MARCHF5: variants seen among roughly 807,000 people sequenced by gnomAD.
The protein encoded by MARCHF5 is membrane associated ring-CH-type finger 5.
A neutral mutation model predicts 36.5 loss-of-function variants in MARCHF5; 5 were observed. The ratio of observed to expected loss-of-function variants is 0.14; its 90% confidence interval spans 0.07 to 0.29. The LOEUF is 0.29. Ranked by LOEUF, MARCHF5 falls within the 10% of genes least tolerant of loss-of-function variation. MARCHF5 has a pLI of 1.00. For missense variants in MARCHF5, 179 were observed against 336.3 expected (o/e 0.53, Z 3.66); for synonymous variants, 103 against 109.9 (o/e 0.94, Z 0.39).
rs997040434 is a variant in MARCHF5, at chr10:92,353,662, T to G, written c.*2455T>G. ...GGGTGGGTATATTTTATTTTCCAGT[T>G]TATTTTCATATTTCTTTACTGTGTT... On this transcript the variant is annotated 3_prime_UTR_variant, in exon 6 of 6. Coordinates refer to ENST00000358935, the MANE Select transcript of MARCHF5 (RefSeq NM_017824.5). The G allele has an allele frequency of 1.3e-5, 2 of 152,642 alleles. No homozygotes were observed. Among genetic ancestry groups the G allele is most frequent in the Non-Finnish European group, 2.9e-5 (2 of 68,044 alleles). 9.5% of individuals were successfully genotyped at this position (152,642 alleles called of 1,614,324 possible).
At chr10:92,319,122 G>A (rs1843254061) in intron 2 of MARCHF5, among the ~76,000 whole-genome samples, 1 of 152,140 alleles carries the variant, frequency 6.6e-6, no homozygotes, top group South Asian at 2.1e-4. Context: ...ATCACCTTGT[G>A]GCATTGTAGC....
chr10:92,291,603 T>G (rs571740475), intron 1 of MARCHF5, 74 bp downstream of exon 1: 2 of 1,455,090 alleles, frequency 1.4e-6, no homozygotes, highest in South Asian at 2.8e-5. Flanking sequence ...CCCTCGAGGC[T>G]CTTGGTGAGC....
intron 5 of MARCHF5, chr10:92,350,100 G>A: frequency 2.6e-6 from 1 of 377,432 alleles, no homozygotes; most frequent in Non-Finnish European, 4.7e-6. Flanking sequence ...CCTCTTGCCA[G>A]TGGGATTACA....
At chr10:92,323,168 G>A (rs1843312253) in intron 2 of MARCHF5, among the ~76,000 whole-genome samples, 1 of 152,076 alleles carries the variant, frequency 6.6e-6, no homozygotes, top group Non-Finnish European at 1.5e-5. Context: ...CAGTATCCTG[G>A]TTAGCTGGGA....
intron 2 of MARCHF5, among the ~76,000 whole-genome samples, chr10:92,330,002 C>G (rs1843417471): frequency 6.6e-6 from 1 of 152,180 alleles, no homozygotes; most frequent in African/African-American, 2.4e-5. Context: ...ACCACCACGC[C>G]CAACTAACTT....
chr10:92,300,469 G>A (rs1220910839), intron 1 of MARCHF5, among the ~76,000 whole-genome samples: 2 of 151,728 alleles, frequency 1.3e-5, no homozygotes, highest in Non-Finnish European at 2.9e-5. Flanking sequence ...CTGCACTCCA[G>A]CCTGGGCCAC....
At chr10:92,333,754 A>T in intron 2 of MARCHF5, 1 of 546,074 alleles carries the variant, frequency 1.8e-6, no homozygotes, top group Non-Finnish European at 2.3e-6. Context: ...ATTTAATCAA[A>T]GTAAGGACAG....
intron 1 of MARCHF5, among the ~76,000 whole-genome samples, chr10:92,297,679 G>A (rs1239448508): frequency 6.6e-6 from 1 of 151,562 alleles, no homozygotes; most frequent in Admixed American, 6.6e-5. Context: ...TTTTAGTAGA[G>A]ACAGGGTTTC....
chr10:92,291,168 C>A lies in MARCHF5; in HGVS notation c.-327C>A. ...GCGCGCACGGAGGCGGCGACTCTTA[C>A]CTCACAAAGGTAGCTCCTCCGCCGG... On this transcript the variant is annotated 5_prime_UTR_variant, in exon 1 of 6. Coordinates refer to ENST00000358935, the MANE Select transcript of MARCHF5 (RefSeq NM_017824.5). 2.2e-6 allele frequency: 1 copy of A among 458,962 alleles called. No individual in the cohort carries two copies. Among genetic ancestry groups the A allele is most frequent in the South Asian group, 2.5e-5 (1 of 39,440 alleles). The allele number at this position is 458,962 out of a possible 1,614,324, so 28.4% of individuals were successfully genotyped here.
At chr10:92,294,973 A>C (rs1842930695) in intron 1 of MARCHF5, among the ~76,000 whole-genome samples, 1 of 152,180 alleles carries the variant, frequency 6.6e-6, no homozygotes, top group Non-Finnish European at 1.5e-5. Flanking sequence ...TCGTGGCTGT[A>C]GTGAGCTGTG....
chr10:92,303,157 C>T (rs11186915), intron 1 of MARCHF5, among the ~76,000 whole-genome samples: 99,621 of 152,030 alleles, frequency 0.66, 33,827 homozygotes, highest in African/African-American at 0.82. Context: ...TCACTTTTTT[C>T]TACATACTTT....
chr10:92,308,084 G>A (rs1843097509), intron 1 of MARCHF5, among the ~76,000 whole-genome samples: 1 of 151,834 alleles, frequency 6.6e-6, no homozygotes, highest in African/African-American at 2.4e-5. Context: ...GGGACTACAG[G>A]CACCTGCCAC....
intron 3 of MARCHF5, among the ~76,000 whole-genome samples, chr10:92,343,488 T>C (rs1019040227): frequency 6.6e-6 from 1 of 152,236 alleles, no homozygotes; most frequent in Non-Finnish European, 1.5e-5. Flanking sequence ...GCAGAGTCCA[T>C]TTTATGCTTC....
intron 4 of MARCHF5, 32 bp downstream of exon 4, chr10:92,349,564 T>C: frequency 1.2e-6 from 2 of 1,600,710 alleles, no homozygotes; most frequent in Middle Eastern, 1.7e-4. Flanking sequence ...GTAAAGTGCA[T>C]ACCAAATTGA....
chr10:92,308,994 G>A (rs1157249941), intron 1 of MARCHF5, among the ~76,000 whole-genome samples: 2 of 152,036 alleles, frequency 1.3e-5, no homozygotes, highest in East Asian at 1.9e-4. Flanking sequence ...CTTAAGCCAC[G>A]GCACCCGGCC....
intron 1 of MARCHF5, among the ~76,000 whole-genome samples, chr10:92,310,298 A>T (rs189749897): frequency 1.3e-5 from 2 of 152,332 alleles, no homozygotes; most frequent in East Asian, 3.9e-4. Context: ...GTCTCATTGA[A>T]TTGAACTGTA....
At chr10:92,317,058 A>C (rs1843219547) in intron 2 of MARCHF5, among the ~76,000 whole-genome samples, 1 of 152,156 alleles carries the variant, frequency 6.6e-6, no homozygotes, top group Non-Finnish European at 1.5e-5. Flanking sequence ...TCAAAGGTAG[A>C]GAGATCTTGA....
rs1341364407 is a variant in MARCHF5 at position 92,353,326 on chromosome 10, A to G, written c.*2119A>G. ...AGAGCATAGGCAGACTTAAAGTTGG[A>G]TAGACCTGGGTTCAAATCATAGTTC... is the stretch of plus-strand genomic sequence containing the variant. On this transcript the variant is annotated 3_prime_UTR_variant, in exon 6 of 6. Coordinates refer to ENST00000358935, the MANE Select transcript of MARCHF5 (RefSeq NM_017824.5). 1 of 152,230 alleles carries G rather than the reference A, an allele frequency of 6.6e-6. No homozygotes were observed. The highest frequency in any genetic ancestry group is 1.5e-5 in the Non-Finnish European group (1 of 68,040). 9.4% of individuals were successfully genotyped at this position (152,230 alleles called of 1,614,324 possible). A position where few individuals can be genotyped will look rare whatever the true frequency, so the allele number is the denominator to read the frequency against.
At chr10:92,296,293 G>C (rs1431659783) in intron 1 of MARCHF5, among the ~76,000 whole-genome samples, 1 of 152,102 alleles carries the variant, frequency 6.6e-6, no homozygotes, top group East Asian at 1.9e-4. Context: ...GGAAAGGGGG[G>C]TGATTTTTCT....
Sources: allele counts gnomAD v4.1 joint callset (sites outside exome capture counted in the v4.1 genomes callset), GRCh38; gene constraint gnomAD v4.1.1; transcripts MANE v1.5; gene names NCBI Gene and HGNC (gene_info 2026-07-23, HGNC 2026-07-21).